The following FBLN5 variants were observed in gnomAD, a reference collection of about 807,000 sequenced individuals.
FBLN5 encodes the protein fibulin-5.
Under a neutral mutation model 61.6 loss-of-function variants are expected in FBLN5, and 24 were observed. That is an observed-to-expected ratio of 0.39 (90% CI 0.28 to 0.55). The LOEUF (loss-of-function observed/expected upper bound fraction) is 0.55. FBLN5 is among the 20% of genes least tolerant of loss of function. The pLI is 0.65. For synonymous variants in FBLN5, 213 were observed against 219.8 expected (o/e 0.97, Z 0.27); for missense variants, 470 against 594.1 (o/e 0.79, Z 2.17).
rs886050890 is a variant in FBLN5, at chr14:91,947,611, G to C, written c.-382C>G. On this transcript the variant is annotated 5_prime_UTR_variant, in exon 1 of 11. Coordinates refer to ENST00000342058, the MANE Select transcript of FBLN5 (RefSeq NM_006329.4). The surrounding 1 kb of genome is among the most constrained non-coding windows in gnomAD (Gnocchi z 4.3). Reference sequence around the variant, plus strand: ...GCTAGACTCCTCACAACAATCTTGGGGCGTCTGCCAGGGCCCAGTGCTCGG... The same window carrying C: ...GCTAGACTCCTCACAACAATCTTGGCGCGTCTGCCAGGGCCCAGTGCTCGG... 1.1e-5 allele frequency: 3 copies of C among 261,854 alleles called. No individual in the cohort carries two copies. The highest frequency in any genetic ancestry group is 2.2e-5 in the African/African-American group (1 of 45,328). The allele number at this position is 261,854 out of a possible 1,614,324, so 16.2% of individuals were successfully genotyped here.
At chr14:91,879,086 C>T (rs17127683) in intron 9 of FBLN5, among the ~76,000 whole-genome samples, 6,792 of 152,272 alleles carry the variant, frequency 0.045, 194 homozygotes, top group East Asian at 0.084. Flanking sequence ...TTTTTTAAGG[C>T]TGCATCAAAA....
intron 7 of FBLN5, among the ~76,000 whole-genome samples, chr14:91,886,592 C>T (rs974617746): frequency 6.6e-6 from 1 of 152,176 alleles, no homozygotes; most frequent in Admixed American, 6.5e-5. Context: ...TCTATGTTCT[C>T]ACAACAAATT....
At chr14:91,878,120 T>A (rs141140903) in intron 9 of FBLN5, 18 of 376,090 alleles carry the variant, frequency 4.8e-5, no homozygotes, top group African/African-American at 3.8e-4. Context: ...GGGATCCTTG[T>A]ACATTCTCTA....
intron 4 of FBLN5, among the ~76,000 whole-genome samples, chr14:91,896,718 CA>C (rs1890241443): frequency 6.6e-6 from 1 of 152,268 alleles, no homozygotes; most frequent in African/African-American, 2.4e-5. Context: ...CAAGCAGATT[CA>C]GGGGGGAGCT....
chr14:91,885,659 C>G (rs765185483), intron 7 of FBLN5, among the ~76,000 whole-genome samples: 3 of 152,138 alleles, frequency 2.0e-5, no homozygotes, highest in Non-Finnish European at 4.4e-5. Flanking sequence ...AACTGAGACT[C>G]AGGGAGTGAC....
intron 4 of FBLN5, among the ~76,000 whole-genome samples, chr14:91,910,777 G>C (rs2140006631): frequency 6.6e-6 from 1 of 152,190 alleles, no homozygotes; most frequent in African/African-American, 2.4e-5. Context: ...AGGGTAGAGT[G>C]CTGGGGAGAA....
At chr14:91,932,919 C>G (rs1439164082) in intron 4 of FBLN5, among the ~76,000 whole-genome samples, 1 of 152,256 alleles carries the variant, frequency 6.6e-6, no homozygotes, top group Non-Finnish European at 1.5e-5. Flanking sequence ...CAACAGACAA[C>G]AGGCTGCTGA....
At chr14:91,942,272 G>GGGT in intron 2 of FBLN5, 1 of 436,808 alleles carries the variant, frequency 2.3e-6, no homozygotes, top group East Asian at 7.1e-5. Context: ...CTCCTCTGAG[G>GGGT]GGTTTCAGCC....
At chr14:91,903,133 C>T (rs1365634897) in intron 4 of FBLN5, among the ~76,000 whole-genome samples, 1 of 152,086 alleles carries the variant, frequency 6.6e-6, no homozygotes, top group African/African-American at 2.4e-5. Flanking sequence ...CGATTCTTAA[C>T]TGGATTCTTC....
At chr14:91,885,373 T>C (rs1249052679) in intron 7 of FBLN5, among the ~76,000 whole-genome samples, 1 of 152,126 alleles carries the variant, frequency 6.6e-6, no homozygotes, top group Non-Finnish European at 1.5e-5. Flanking sequence ...TAAATTAACA[T>C]GTAATGACTA....
chr14:91,943,118 C>A lies in FBLN5; in HGVS notation c.18-157G>T, dbSNP rs561605840. On this transcript the variant is annotated intron_variant, in intron 1 of 10. Transcript: ENST00000342058. The surrounding 1 kb of genome is among the most constrained non-coding windows in gnomAD (Gnocchi z 4.0). The stretch of plus-strand genomic sequence containing the variant: ...GAGGTCATGGTGGTTCCAGACACCG[C>A]GACCACCCAAGCAGAACCACACCTC... 1.8e-4 allele frequency among the ~76,000 whole-genome samples: 27 copies of A among 151,526 alleles called. 1 individual carries two copies. The South Asian group carries it at 5.4e-3, about 31-fold the overall frequency.
chr14:91,891,146 A>G (rs1199115034), intron 6 of FBLN5, 75 bp downstream of exon 6: 6 of 858,420 alleles, frequency 7.0e-6, no homozygotes, highest in Admixed American at 6.8e-5. Context: ...TCCCACAAAC[A>G]TAAGCTGCCA....
At chr14:91,921,277 T>C (rs1380066823) in intron 4 of FBLN5, among the ~76,000 whole-genome samples, 1 of 152,208 alleles carries the variant, frequency 6.6e-6, no homozygotes, top group Non-Finnish European at 1.5e-5. Context: ...CCAATGCTTG[T>C]CCTTCTTCCC....
intron 2 of FBLN5, among the ~76,000 whole-genome samples, chr14:91,942,494 AG>A (rs2056121326): frequency 1.3e-5 from 2 of 152,270 alleles, no homozygotes; most frequent in African/African-American, 2.4e-5. Context: ...GCCTGCTGTG[AG>A]GGGCACAAAT....
intron 4 of FBLN5, among the ~76,000 whole-genome samples, chr14:91,935,048 C>A (rs983917343): frequency 2.6e-5 from 4 of 152,216 alleles, no homozygotes; most frequent in Non-Finnish European, 4.4e-5. Context: ...ATGCATAATG[C>A]TGAACTTTTT....
intron 4 of FBLN5, among the ~76,000 whole-genome samples, chr14:91,895,717 G>A (rs1890194024): frequency 6.8e-6 from 1 of 146,284 alleles, no homozygotes; most frequent in Non-Finnish European, 1.5e-5. Flanking sequence ...AGGATCGTTT[G>A]AGCCCAGGAG....
chr14:91,937,094 C>CTCGA lies in FBLN5; in HGVS notation c.228_231dup (p.Gly78SerfsTer45). The CTCGA allele has an allele frequency of 6.2e-7, 1 of 1,613,982 alleles. No homozygotes were observed. The highest frequency in any genetic ancestry group is 1.1e-5 in the South Asian group (1 of 91,070). The stretch of plus-strand genomic sequence containing the variant: ...GTCGAGTAGGGGTTCGAGTAGGGCC[C>CTCGA]TCGATACACAGGGTTTGTCCGGGGA... On this transcript the variant is annotated frameshift_variant, in exon 4 of 11. Coordinates refer to ENST00000342058, the MANE Select transcript of FBLN5 (RefSeq NM_006329.4). LOFTEE classifies it high-confidence loss of function.
intron 4 of FBLN5, among the ~76,000 whole-genome samples, chr14:91,912,470 C>G (rs1375271708): frequency 6.6e-6 from 1 of 152,086 alleles, no homozygotes; most frequent in East Asian, 1.9e-4. Flanking sequence ...CGTGGTGAAA[C>G]CCTGTATCTA....
rs1218718960 is a variant in FBLN5, at chr14:91,881,437, A to C, written c.863-19T>G. On this transcript the variant is annotated intron_variant, in intron 8 of 10. Transcript: ENST00000342058. ...TTGATGTCTGAAATGCAGGGGAGAC[A>C]AGAAGCGGAGGCAGGGCATTATTGG... 1.2e-6 allele frequency: 2 copies of C among 1,613,924 alleles called. No individual in the cohort carries two copies. Among genetic ancestry groups the C allele is most frequent in the Admixed American group, 1.7e-5 (1 of 59,992 alleles).
Sources: gnomAD v4.1 joint callset for allele counts (sites outside exome capture counted in the v4.1 genomes callset) on GRCh38, gnomAD v4.1.1 for gene constraint, Gnocchi (gnomAD v3.1) non-coding constraint, MANE v1.5 for transcripts, NCBI Gene and HGNC (gene_info 2026-07-23, HGNC 2026-07-21) for gene names.